Variants in SEMA4F observed in about 807,000 individuals in gnomAD.
The protein encoded by SEMA4F is ssemaphorin 4F.
A neutral mutation model predicts 78.4 loss-of-function variants in SEMA4F; 51 were observed. The ratio of observed to expected loss-of-function variants is 0.65; its 90% CI spans 0.52 to 0.82. The LOEUF (loss-of-function observed/expected upper bound fraction) is 0.82, where lower values mean the gene tolerates loss of function less well. SEMA4F is among the 40% of genes least tolerant of loss of function. The pLI, the probability that SEMA4F is intolerant of heterozygous loss-of-function variation, is 0.00. For missense variants in SEMA4F, 938 were observed against 1,014.4 expected, an observed-to-expected ratio of 0.92 and a Z score of 1.02; for synonymous variants, 418 against 408.7, an observed-to-expected ratio of 1.02 and a Z score of -0.27.
At chr2:74,674,368 C>A in intron 7 of SEMA4F, 130 bp from the exon 8 acceptor site, 1 of 758,340 alleles carries the variant, frequency 1.3e-6, no homozygotes, top group Non-Finnish European at 2.1e-6. Context: ...TCTGTCCTTG[C>A]ATTTGTATGT....
chr2:74,666,236 C>T (rs1372946662), intron 5 of SEMA4F, among the ~76,000 whole-genome samples: 2 of 152,154 alleles, frequency 1.3e-5, no homozygotes, highest in African/African-American at 4.8e-5. Context: ...ATGTTTAGCC[C>T]TCTGTGAGTA....
intron 5 of SEMA4F, among the ~76,000 whole-genome samples, chr2:74,667,117 A>T (rs955991179): frequency 9.9e-5 from 15 of 152,212 alleles, no homozygotes; most frequent in African/African-American, 3.6e-4. Context: ...TTTCTTCAAA[A>T]CATGATTTTT....
At chr2:74,668,047 C>CT (rs1304657902) in intron 5 of SEMA4F, among the ~76,000 whole-genome samples, 1 of 152,212 alleles carries the variant, frequency 6.6e-6, no homozygotes, top group Admixed American at 6.5e-5. Context: ...ACCTGCTTCT[C>CT]TGTCAGTCTT....
intron 3 of SEMA4F, 78 bp downstream of exon 3, chr2:74,657,702 C>T (rs1684226073): frequency 1.4e-6 from 2 of 1,478,052 alleles, no homozygotes; most frequent in African/African-American, 2.8e-5. Context: ...CCCTGTAATG[C>T]TTCCATACCA....
intron 12 of SEMA4F, among the ~76,000 whole-genome samples, chr2:74,676,503 G>T (rs1415071109): frequency 2.6e-5 from 4 of 152,140 alleles, no homozygotes; most frequent in Non-Finnish European, 5.9e-5. Context: ...CTCAAACTTA[G>T]CAAGTCAAAG....
chr2:74,655,473 A>C (rs1201315418), intron 1 of SEMA4F: 17 of 192,522 alleles, frequency 8.8e-5, no homozygotes. Flanking sequence ...GAACCAGTGA[A>C]GCCAAGAGTA....
chr2:74,696,558 A>C, the SEMA4F span, among the ~76,000 whole-genome samples: 52 of 152,098 alleles, frequency 3.4e-4, no homozygotes, highest in Non-Finnish European at 6.9e-4. Flanking sequence ...AATACAATCA[A>C]ATATAAAAAT....
intron 4 of SEMA4F, among the ~76,000 whole-genome samples, chr2:74,661,323 G>A (rs1331603733): frequency 6.6e-6 from 1 of 152,210 alleles, no homozygotes; most frequent in Non-Finnish European, 1.5e-5. Flanking sequence ...CCAGGCAATG[G>A]TGGACTATTT....
At position 74,680,511 on chromosome 2, in the gene SEMA4F, T is replaced by C; in HGVS notation, c.*302T>C. On this transcript the variant is annotated 3_prime_UTR_variant, in exon 14 of 14. Coordinates refer to ENST00000357877, the MANE Select transcript of SEMA4F (RefSeq NM_004263.5). ...GCCCCCTATCTTGGGCCCATTAGTT[T>C]TGGGGATGGGGCACAGGGCATAGCT... is the stretch of plus-strand genomic sequence containing the variant. The C allele has an allele frequency of 3.6e-6, 1 of 276,012 alleles. No individual in the cohort carries two copies. 17.1% of individuals were successfully genotyped at this position (276,012 alleles called of 1,614,324 possible).
In SEMA4F at chr2:74,679,587, T is replaced by C. The variant is rs371330415; in HGVS notation, c.1703-12T>C. On this transcript the variant is annotated splice_polypyrimidine_tract_variant and intron_variant, in intron 13 of 13. Transcript: ENST00000357877. ...GCCTCACCTCCTTTTGTGCCTTTGC[T>C]GTTTCTCACAGAACGTCCAGTAGTG... The C allele has an allele frequency of 4.6e-5, 73 of 1,585,144 alleles. No homozygotes were observed. Among genetic ancestry groups the C allele is most frequent in the Non-Finnish European group, 5.9e-5 (69 of 1,163,618 alleles).
chr2:74,695,901 G>A, the SEMA4F span, among the ~76,000 whole-genome samples: 3 of 152,096 alleles, frequency 2.0e-5, no homozygotes, highest in African/African-American at 7.2e-5. Flanking sequence ...CACAGGGTGC[G>A]ATCCAGGAAA....
At chr2:74,670,252 A>G (rs1425991419) in intron 5 of SEMA4F, among the ~76,000 whole-genome samples, 9 of 152,168 alleles carry the variant, frequency 5.9e-5, no homozygotes, top group Non-Finnish European at 1.2e-4. Flanking sequence ...CCTATGCTCA[A>G]TATTGTAATG....
In SEMA4F at chr2:74,679,818, C is replaced by T. The variant is rs1379719197; in HGVS notation, c.1922C>T (p.Ala641Val). ...GGTGGGGCAGCCCATGTGGTAGCAG[C>T]TTACAGCTTGGTATGGGGCAGCCAG... ...QEGGAAHVVA[A>V]YSLVWGSQRD... is the part of the protein sequence containing the mutation. Residue 641 changes from alanine to valine, a missense_variant, in exon 14 of 14, where the codon GCT (alanine) becomes GTT (valine). Physicochemically the swap from Ala to Val is moderately conservative, Grantham distance 64. Transcript: ENST00000357877. The T allele has an allele frequency of 1.9e-6, 3 of 1,614,158 alleles. No homozygotes were observed. Among genetic ancestry groups the T allele is most frequent in the Non-Finnish European group, 2.5e-6 (3 of 1,179,996 alleles).
At chr2:74,704,871 CTCT>C in the SEMA4F span, among the ~76,000 whole-genome samples, 1 of 152,196 alleles carries the variant, frequency 6.6e-6, no homozygotes, top group South Asian at 2.1e-4. Context: ...ATTTGCCCTG[CTCT>C]TCTTCAGCTC....
chr2:74,672,064 C>T (rs967752370), intron 5 of SEMA4F, among the ~76,000 whole-genome samples: 5 of 152,312 alleles, frequency 3.3e-5, no homozygotes, highest in African/African-American at 1.2e-4. Context: ...ATATCACTTT[C>T]CTCCTAAAAA....
intron 2 of SEMA4F, 91 bp downstream of exon 2, chr2:74,656,776 C>G: frequency 7.2e-7 from 1 of 1,387,638 alleles, no homozygotes; most frequent in East Asian, 2.3e-5. Context: ...TTCATAATAA[C>G]TAAAGATGTA....
Position 74,680,158 on chromosome 2 carries a change from C to T in SEMA4F, c.2262C>T (p.His754=). The T allele has an allele frequency of 6.2e-7, 1 of 1,600,506 alleles. No individual in the cohort carries two copies. Among genetic ancestry groups the T allele is most frequent in the Non-Finnish European group, 8.5e-7 (1 of 1,169,734 alleles). The part of the protein sequence containing the change: ...FLLDPCPSPA[H]IRLTGAPLAT... Reference sequence around the variant, plus strand: ...TTGATCCTTGCCCAAGCCCAGCCCACATTCGGCTAACTGGGGCTCCTCTAG... The same window carrying T: ...TTGATCCTTGCCCAAGCCCAGCCCATATTCGGCTAACTGGGGCTCCTCTAG... The change falls in exon 14 of 14, where the codon CAC becomes CAT. Residue 754 remains histidine (H), a synonymous_variant. Transcript: ENST00000357877.
At chr2:74,687,888 A>G (rs1685853197), downstream of SEMA4F, among the ~76,000 whole-genome samples, 2 of 152,110 alleles carry the variant, frequency 1.3e-5, no homozygotes, top group African/African-American at 4.8e-5. Flanking sequence ...TCTTTCTTTC[A>G]GAGTGAAAGA....
At position 74,675,285 on chromosome 2, in the gene SEMA4F, C is replaced by T; in HGVS notation, c.1273C>T (p.Pro425Ser). 1.2e-6 allele frequency: 2 copies of T among 1,614,220 alleles called. No homozygotes were observed. The highest frequency in any genetic ancestry group is 1.7e-6 in the Non-Finnish European group (2 of 1,180,036). The change falls in exon 10 of 14, where the codon CCC (proline) becomes TCC (serine). Residue 425 changes from proline (P) to serine (S), a missense_variant. Physicochemically the swap from Pro to Ser is moderately conservative, Grantham distance 74. Coordinates refer to ENST00000357877, the MANE Select transcript of SEMA4F (RefSeq NM_004263.5). ...DRPVFPADGH[P>S]LLVTTDTAYL... ...GCCAGTGTTTCCAGCTGATGGCCAC[C>T]CCCTGCTGGTCACTACAGATACAGC... is the stretch of plus-strand genomic sequence containing the variant.
Sources: gnomAD v4.1 joint callset for allele counts (sites outside exome capture counted in the v4.1 genomes callset) on GRCh38, gnomAD v4.1.1 for gene constraint, MANE v1.5 for transcripts, NCBI Gene and HGNC (gene_info 2026-07-23, HGNC 2026-07-21) for gene names.